Variants in DPYD observed in about 807,000 individuals in gnomAD.
DPYD encodes dihydropyrimidine dehydrogenase [NADP(+)].
In DPYD, 109 loss-of-function variants were observed where a neutral mutation model predicts 116.2. The observed-to-expected ratio is 0.94, with a 90% CI of 0.80 to 1.10. The LOEUF is 1.10. Among genes scored for constraint, DPYD ranks in the 50% least tolerant of loss-of-function variants. DPYD has a pLI of 0.00. For synonymous variants in DPYD, 440 were observed against 432.0 expected (o/e 1.02, Z -0.23); for missense variants, 1,302 against 1,254.5 (o/e 1.04, Z -0.57).
At chr1:97,546,029 A>G in intron 12 of DPYD, 1 of 1,376,842 alleles carries the variant, frequency 7.3e-7, no homozygotes, top group Non-Finnish European at 1.0e-6. Flanking sequence ...TGAATATAAA[A>G]TCACAGGTGT....
At chr1:97,353,856 G>C (rs1670277520) in intron 16 of DPYD, among the ~76,000 whole-genome samples, 1 of 152,160 alleles carries the variant, frequency 6.6e-6, no homozygotes, top group Non-Finnish European at 1.5e-5. Flanking sequence ...AATAATTTCT[G>C]TGATTGATAA....
At chr1:97,773,547 G>A (rs78639803) in intron 3 of DPYD, among the ~76,000 whole-genome samples, 2,688 of 152,146 alleles carry the variant, frequency 0.018, 83 homozygotes, top group African/African-American at 0.062. Context: ...CCCCCATCCT[G>A]TGCCTATAAA....
chr1:97,815,077 AGAAG>A (rs1668527246), intron 3 of DPYD, among the ~76,000 whole-genome samples: 1 of 132,238 alleles, frequency 7.6e-6, no homozygotes. Flanking sequence ...GAAAGAAAAG[AGAAG>A]AAAGAAAAGA....
intron 1 of DPYD, among the ~76,000 whole-genome samples, chr1:97,895,837 T>C (rs1316432245): frequency 6.6e-6 from 1 of 151,840 alleles, no homozygotes; most frequent in Non-Finnish European, 1.5e-5. Context: ...CTAGAGAGAA[T>C]GCTTTCCATT....
intron 8 of DPYD, among the ~76,000 whole-genome samples, chr1:97,603,085 GCTATAAAACA>G (rs1655365584): frequency 1.3e-5 from 2 of 151,000 alleles, no homozygotes; most frequent in Admixed American, 1.3e-4. Context: ...TTTGGCTTTT[GCTATAAAACA>G]ATTTCCTTAA....
At chr1:97,853,662 A>G (rs996661508) in intron 2 of DPYD, among the ~76,000 whole-genome samples, 4 of 152,240 alleles carry the variant, frequency 2.6e-5, no homozygotes, top group African/African-American at 9.6e-5. Context: ...TTTACACATC[A>G]TCTTCAATTA....
At position 97,079,149 on chromosome 1, in the gene DPYD, G is replaced by A. The variant is rs540257862; in HGVS notation, c.2908-3C>T. On this transcript the variant is annotated splice_region_variant and splice_polypyrimidine_tract_variant and intron_variant, in intron 22 of 22. Coordinates refer to ENST00000370192, the MANE Select transcript of DPYD (RefSeq NM_000110.4). ...GTTTCTGGATCAAACTGTATAGCCT[G>A]CAAACAGAAATAGAGGGTATTGATG... is the stretch of plus-strand genomic sequence containing the variant. 99 of 1,613,242 alleles carry A rather than the reference G, an allele frequency of 6.1e-5. 1 individual carries two copies. In the South Asian group the frequency reaches 1.0e-3, roughly 17 times the overall value.
At chr1:97,867,354 A>G (rs1671437185) in intron 2 of DPYD, among the ~76,000 whole-genome samples, 1 of 151,904 alleles carries the variant, frequency 6.6e-6, no homozygotes, top group African/African-American at 2.4e-5. Context: ...AGGAAGAACC[A>G]TATGAATAAT....
At chr1:97,436,459 A>AT in intron 14 of DPYD, among the ~76,000 whole-genome samples, 1 of 151,784 alleles carries the variant, frequency 6.6e-6, no homozygotes, top group Non-Finnish European at 1.5e-5. Flanking sequence ...TCACTGCATC[A>AT]TTGCCATCCC....
At chr1:97,644,639 TAGTAGAAACAGGGTATCACCAC>T (rs1281462438) in intron 8 of DPYD, among the ~76,000 whole-genome samples, 1 of 151,576 alleles carries the variant, frequency 6.6e-6, no homozygotes, top group African/African-American at 2.4e-5. Flanking sequence ...TTTGTATTTT[TAGTAGAAACAGGGTATCACCAC>T]ATTGGCCAGG....
intron 6 of DPYD, among the ~76,000 whole-genome samples, chr1:97,693,628 G>A (rs1470081656): frequency 6.6e-6 from 1 of 152,154 alleles, no homozygotes; most frequent in African/African-American, 2.4e-5. Flanking sequence ...GCATGAGAGG[G>A]AGATTAAATA....
At chr1:97,171,937 C>A (rs1432268053) in intron 20 of DPYD, among the ~76,000 whole-genome samples, 2 of 152,116 alleles carry the variant, frequency 1.3e-5, no homozygotes, top group Non-Finnish European at 1.5e-5. Flanking sequence ...GTAATGCTAA[C>A]ATATGGAAAG....
At chr1:97,114,289 C>A (rs1651809121) in intron 20 of DPYD, among the ~76,000 whole-genome samples, 1 of 152,060 alleles carries the variant, frequency 6.6e-6, no homozygotes, top group Non-Finnish European at 1.5e-5. Context: ...TTCTTGACTC[C>A]ATTTTCCTAT....
At chr1:97,900,030 A>G (rs1571554271) in intron 1 of DPYD, among the ~76,000 whole-genome samples, 1 of 152,068 alleles carries the variant, frequency 6.6e-6, no homozygotes, top group East Asian at 1.9e-4. Context: ...TCAGCTACAG[A>G]CTATAATTCC....
chr1:97,603,378 A>T (rs560147833), intron 8 of DPYD, among the ~76,000 whole-genome samples: 5 of 152,138 alleles, frequency 3.3e-5, no homozygotes, highest in Admixed American at 2.6e-4. Context: ...AGTAATCTCA[A>T]CAGCAGGAAA....
intron 16 of DPYD, among the ~76,000 whole-genome samples, chr1:97,316,731 T>A (rs1204190941): frequency 6.6e-6 from 1 of 151,664 alleles, no homozygotes; most frequent in African/African-American, 2.4e-5. Context: ...ATTTCTAGAC[T>A]TTATCCATTG....
At chr1:97,640,366 T>C (rs2100815898) in intron 8 of DPYD, among the ~76,000 whole-genome samples, 1 of 152,250 alleles carries the variant, frequency 6.6e-6, no homozygotes, top group East Asian at 1.9e-4. Flanking sequence ...TGGAGTGCAA[T>C]GGCACCATCT....
chr1:97,442,667 A>T (rs777015478), intron 14 of DPYD, among the ~76,000 whole-genome samples: 3 of 152,154 alleles, frequency 2.0e-5, no homozygotes, highest in Non-Finnish European at 4.4e-5. Flanking sequence ...CCAAAAACTT[A>T]CATGATATAG....
chr1:97,678,998 C>T, intron 8 of DPYD, 97 bp downstream of exon 8: 1 of 549,594 alleles, frequency 1.8e-6, no homozygotes, highest in Non-Finnish European at 3.1e-6. Context: ...ATATAACTTT[C>T]ATCACGAAAA....
Sources: gnomAD v4.1 joint callset for allele counts (sites outside exome capture counted in the v4.1 genomes callset) on GRCh38, gnomAD v4.1.1 for gene constraint, MANE v1.5 for transcripts, NCBI Gene and HGNC (gene_info 2026-07-23, HGNC 2026-07-21) for gene names.